Variants in NUP160 observed in about 807,000 individuals in gnomAD.
NUP160 encodes nucleoporin 160.
In NUP160, 94 loss-of-function variants were observed where a neutral mutation model predicts 196.9. That is an observed-to-expected ratio of 0.48 (90% CI 0.40 to 0.57). The LOEUF is 0.57. NUP160 is among the 20% of genes least tolerant of loss of function. NUP160 has a pLI of 0.00. For synonymous variants in NUP160, 605 were observed against 619.7 expected, an observed-to-expected ratio of 0.98 and a Z score of 0.35; for missense variants, 1,638 against 1,748.3, an observed-to-expected ratio of 0.94 and a Z score of 1.13.
intron 17 of NUP160, 68 bp downstream of exon 17, chr11:47,811,996 G>C: frequency 7.0e-7 from 1 of 1,433,476 alleles, no homozygotes; most frequent in Non-Finnish European, 9.7e-7. Context: ...CTGACATTTT[G>C]CTCCTAAGTG....
chr11:47,778,937 C>G (rs1309632686), exon 36 of NUP160: 3 of 553,450 alleles, frequency 5.4e-6, no homozygotes, highest in Non-Finnish European at 9.7e-6. Flanking sequence ...CCAGCAAGCA[C>G]AGGGTCCTCT....
At chr11:47,793,258 T>C (rs1398147826) in intron 27 of NUP160, among the ~76,000 whole-genome samples, 1 of 152,174 alleles carries the variant, frequency 6.6e-6, no homozygotes, top group Non-Finnish European at 1.5e-5. Context: ...GTGCTGGGAT[T>C]ACAGGTGTGA....
intron 17 of NUP160, among the ~76,000 whole-genome samples, chr11:47,811,328 G>T (rs543630325): frequency 6.6e-6 from 1 of 151,958 alleles, no homozygotes; most frequent in Non-Finnish European, 1.5e-5. Context: ...GGTCAACATG[G>T]TGAAACCCTG....
At chr11:47,803,414 A>C in intron 22 of NUP160, 24 bp downstream of exon 22, 1 of 1,391,290 alleles carries the variant, frequency 7.2e-7, no homozygotes, top group South Asian at 1.2e-5. Context: ...TATAAAGTTT[A>C]TTTGCCATTC....
At chr11:47,816,478 AAAG>A (rs1245091607) in intron 11 of NUP160, among the ~76,000 whole-genome samples, 1 of 152,230 alleles carries the variant, frequency 6.6e-6, no homozygotes, top group Non-Finnish European at 1.5e-5. Flanking sequence ...GTAGTAATTT[AAAG>A]AAGCCTATGC....
At chr11:47,792,833 T>C (rs2097668642) in exon 28 of NUP160, 1 of 1,614,128 alleles carries the variant, frequency 6.2e-7, no homozygotes, top group Admixed American at 1.7e-5. Context: ...TCTGGACGAA[T>C]AAGTCGTAAA....
chr11:47,813,266 A>T, intron 14 of NUP160, 50 bp downstream of exon 14: 1 of 1,331,824 alleles, frequency 7.5e-7, no homozygotes, highest in Non-Finnish European at 1.1e-6. Context: ...AACGAAGCAT[A>T]GGGTTTATAT....
At position 47,783,056 on chromosome 11, in the gene NUP160, C is replaced by T. The variant is rs759569635; in HGVS notation, c.4116+17G>A. On this transcript the variant is annotated intron_variant, in intron 34 of 35. Coordinates refer to ENST00000378460, the Ensembl canonical transcript of NUP160. ...AGTCAAACCATTGTAAATTGGGGAC[C>T]ATTTGTATATGCCTACCTCAATTCC... 3.7e-6 allele frequency: 6 copies of T among 1,604,746 alleles called. No homozygotes were observed. In the East Asian group the frequency reaches 6.8e-5, roughly 18 times the overall value.
At chr11:47,838,801 C>T (rs1332033294) in intron 4 of NUP160, among the ~76,000 whole-genome samples, 1 of 151,890 alleles carries the variant, frequency 6.6e-6, no homozygotes, top group Non-Finnish European at 1.5e-5. Flanking sequence ...GTCAGGAGTT[C>T]GAGACCAGCC....
chr11:47,809,948 T>G lies in NUP160; in HGVS notation c.2242-1419A>C, dbSNP rs1236319023. Among the ~76,000 whole-genome samples, 3 of 152,102 alleles carry G rather than the reference T, an allele frequency of 2.0e-5. No homozygotes were observed. In the South Asian group the frequency reaches 6.2e-4, roughly 32 times the overall value. ...ATAGCAAAATTTAAGTAGTAATCAC[T>G]GGGTAGAAAATTATAAATTTTTTAA... On this transcript the variant is annotated intron_variant, in intron 17 of 35. Coordinates refer to ENST00000378460, the Ensembl canonical transcript of NUP160.
In NUP160 at chr11:47,784,893, T is replaced by C. The variant is rs1217466712; in HGVS notation, c.3990+29A>G. The C allele has an allele frequency of 2.0e-6, 3 of 1,514,730 alleles. No individual in the cohort carries two copies. In the African/African-American group the frequency reaches 4.2e-5, roughly 21 times the overall value. The allele number at this position is 1,514,730 out of a possible 1,614,324, so 93.8% of individuals were successfully genotyped here. Reference sequence around the variant, plus strand: ...ATCCAGAATGATAAAGAGTGGGTTCTTACTCTGTACAAGTTATAATCCGTT... The same window carrying C: ...ATCCAGAATGATAAAGAGTGGGTTCCTACTCTGTACAAGTTATAATCCGTT... On this transcript the variant is annotated intron_variant, in intron 33 of 35. Transcript: ENST00000378460.
chr11:47,845,051 C>T (rs951251687), intron 2 of NUP160, among the ~76,000 whole-genome samples: 10 of 152,186 alleles, frequency 6.6e-5, no homozygotes, highest in Non-Finnish European at 1.2e-4. Flanking sequence ...GAATAATCCA[C>T]CCCTGTTTAG....
At chr11:47,799,511 A>G (rs567192676) in intron 23 of NUP160, among the ~76,000 whole-genome samples, 14 of 152,356 alleles carry the variant, frequency 9.2e-5, no homozygotes, top group South Asian at 8.3e-4. Context: ...ATACGCATTT[A>G]TAAAGGATGA....
chr11:47,792,039 C>T (rs1423696659), intron 28 of NUP160, 49 bp from the exon 29 acceptor site: 2 of 1,274,902 alleles, frequency 1.6e-6, no homozygotes, highest in Non-Finnish European at 1.1e-6. Flanking sequence ...GTATTTTATT[C>T]TGATATCATT....
intron 27 of NUP160, among the ~76,000 whole-genome samples, chr11:47,794,913 G>A (rs914460436): frequency 5.1e-4 from 78 of 151,544 alleles, no homozygotes; most frequent in Non-Finnish European, 1.3e-4. Flanking sequence ...ACTCTGTCTC[G>A]AAAACAAACA....
chr11:47,781,596 C>T (rs1193950869), intron 34 of NUP160, among the ~76,000 whole-genome samples: 1 of 152,156 alleles, frequency 6.6e-6, no homozygotes, highest in East Asian at 1.9e-4. Flanking sequence ...TAGTTAACTA[C>T]ACCTATTTAG....
At chr11:47,824,583 C>A (rs1317751742) in intron 7 of NUP160, among the ~76,000 whole-genome samples, 1 of 151,832 alleles carries the variant, frequency 6.6e-6, no homozygotes, top group Non-Finnish European at 1.5e-5. Flanking sequence ...ATACTCCAGC[C>A]TGGGCAACAG....
chr11:47,778,770 C>A (rs949852081), exon 36 of NUP160: 4 of 196,056 alleles, frequency 2.0e-5, no homozygotes, highest in Non-Finnish European at 4.2e-5. Context: ...AGCCAACAAC[C>A]CTCAGCTATT....
In NUP160 at chr11:47,824,007, GCA is replaced by G. The variant is rs1565203329; in HGVS notation, c.1102-1845_1102-1844del. Among the ~76,000 whole-genome samples the G allele has an allele frequency of 8.7e-4, 48 of 55,164 alleles. No homozygotes were observed. The Admixed American group carries it at 0.013, about 15-fold the overall frequency. The allele number at this position is 55,164 out of a possible 152,430, so 36.2% of individuals were successfully genotyped here. A position where few individuals can be genotyped will look rare whatever the true frequency, so the allele number is the denominator to read the frequency against. On this transcript the variant is annotated intron_variant, in intron 7 of 35. Coordinates refer to ENST00000378460, the Ensembl canonical transcript of NUP160. ...TTGAGACCCTGCTTTCAATTCTTTT[GCA>G]TATATATATATATATATATATATAT...
Sources: allele counts gnomAD v4.1 joint callset (sites outside exome capture counted in the v4.1 genomes callset), GRCh38; gene constraint gnomAD v4.1.1; transcripts MANE v1.5; gene names NCBI Gene and HGNC (gene_info 2026-07-23, HGNC 2026-07-21).